Variants in PTPRN2 observed in about 807,000 individuals in gnomAD.
PTPRN2 encodes receptor-type tyrosine-protein phosphatase N2.
Under a neutral mutation model 118.8 loss-of-function variants are expected in PTPRN2, and 74 were observed. That is an observed-to-expected ratio of 0.62 (90% CI 0.52 to 0.76). PTPRN2 has a LOEUF of 0.76. Ranked by LOEUF, PTPRN2 falls within the 30% of genes least tolerant of loss-of-function variation. The pLI, the probability that PTPRN2 is intolerant of heterozygous loss-of-function variation, is 0.00. For missense variants in PTPRN2, 1,481 were observed against 1,394.4 expected, an observed-to-expected ratio of 1.06 and a Z score of -0.99; for synonymous variants, 641 against 608.0, an observed-to-expected ratio of 1.05 and a Z score of -0.80.
In PTPRN2 at chr7:158,022,452, G is replaced by C. The variant is rs560186419; in HGVS notation, c.1723+58846C>G. Among the ~76,000 whole-genome samples, 1 of 152,296 alleles carries C rather than the reference G, an allele frequency of 6.6e-6. No individual in the cohort carries two copies. Among genetic ancestry groups the C allele is most frequent in the African/African-American group, 2.4e-5 (1 of 41,570 alleles). ...ATGATGTGTTCACAGCCAAGGCCCC[G>C]GCACCTGGGCACTCTGGGGCAGCCC... On this transcript the variant is annotated intron_variant, in intron 11 of 22. Coordinates refer to ENST00000389418, the MANE Select transcript of PTPRN2 (RefSeq NM_002847.5). This position sits in a 1 kb window ranked among gnomAD's most constrained non-coding sequence, Gnocchi z 4.6.
At chr7:158,172,466 CCAT>C (rs1326760074) in intron 5 of PTPRN2, among the ~76,000 whole-genome samples, 1 of 151,692 alleles carries the variant, frequency 6.6e-6, no homozygotes, top group Non-Finnish European at 1.5e-5. Context: ...ACCATCCCTA[CCAT>C]CATCACCCTC....
chr7:158,422,284 C>T (rs1339384587), intron 2 of PTPRN2, among the ~76,000 whole-genome samples: 3 of 152,184 alleles, frequency 2.0e-5, no homozygotes, highest in South Asian at 2.1e-4. Context: ...ACAGCATCCA[C>T]GTCTCTGCAA....
chr7:158,068,322 C>T (rs143823708), intron 11 of PTPRN2, among the ~76,000 whole-genome samples: 94 of 152,286 alleles, frequency 6.2e-4, no homozygotes, highest in African/African-American at 2.2e-3. Context: ...TCATGGCAGC[C>T]GAGGGTACGG....
intron 15 of PTPRN2, among the ~76,000 whole-genome samples, chr7:157,614,976 T>G (rs528501259): frequency 6.6e-6 from 1 of 152,338 alleles, no homozygotes; most frequent in East Asian, 1.9e-4. Context: ...GGGATTGTTG[T>G]TAATTTTCTT....
chr7:158,041,596 C>T (rs145585956), intron 11 of PTPRN2, among the ~76,000 whole-genome samples: 4 of 152,178 alleles, frequency 2.6e-5, no homozygotes, highest in Non-Finnish European at 4.4e-5. Flanking sequence ...CAAGATCTTG[C>T]CACTGCACTC....
At chr7:158,244,994 G>A (rs1415519791) in intron 3 of PTPRN2, among the ~76,000 whole-genome samples, 1 of 152,248 alleles carries the variant, frequency 6.6e-6, no homozygotes, top group African/African-American at 2.4e-5. Flanking sequence ...CCTGCTCCCT[G>A]GCTGTGTCAT....
intron 17 of PTPRN2, 50 bp from the exon 18 acceptor site, chr7:157,578,190 G>A (rs778927586): frequency 2.6e-6 from 4 of 1,557,822 alleles, no homozygotes; most frequent in Admixed American, 1.8e-5. Flanking sequence ...TCATCACCGC[G>A]TGACATGTGT....
chr7:158,192,248 C>T (rs550009910), intron 5 of PTPRN2, 79 bp downstream of exon 5: 166 of 1,344,046 alleles, frequency 1.2e-4, no homozygotes, highest in Middle Eastern at 2.7e-4. Context: ...GAGGAGCCAG[C>T]GACTAAGGAA....
At chr7:158,334,433 C>T (rs570069467) in intron 2 of PTPRN2, among the ~76,000 whole-genome samples, 11 of 68,184 alleles carry the variant, frequency 1.6e-4, no homozygotes, top group African/African-American at 2.2e-4. Context: ...GTCACTCACA[C>T]CCACACTCTC....
chr7:158,262,590 TCACACACATTCA>T (rs1797525886), intron 3 of PTPRN2, among the ~76,000 whole-genome samples: 1 of 88,350 alleles, frequency 1.1e-5, no homozygotes, highest in Admixed American at 1.1e-4. Flanking sequence ...GCACACACAT[TCACACACATTCA>T]CACACACTGC....
intron 11 of PTPRN2, among the ~76,000 whole-genome samples, chr7:157,923,705 G>C (rs1020362696): frequency 1.3e-5 from 2 of 152,094 alleles, no homozygotes; most frequent in African/African-American, 4.8e-5. Flanking sequence ...AAGAAACTCT[G>C]ATCCCAGAAA....
chr7:158,026,552 T>G (rs1045315439), intron 11 of PTPRN2, among the ~76,000 whole-genome samples: 25 of 152,218 alleles, frequency 1.6e-4, no homozygotes, highest in Admixed American at 1.4e-3. Flanking sequence ...TAATTCCTTG[T>G]GTTCATAGTT....
intron 3 of PTPRN2, among the ~76,000 whole-genome samples, chr7:158,300,202 G>A (rs116338198): frequency 2.1e-3 from 316 of 152,234 alleles, no homozygotes; most frequent in African/African-American, 7.3e-3. Flanking sequence ...AAACAAATGC[G>A]GAAATGATTG....
intron 5 of PTPRN2, among the ~76,000 whole-genome samples, chr7:158,180,829 TAGGAGTCTTTTGG>T (rs984757377): frequency 1.3e-5 from 2 of 152,236 alleles, no homozygotes; most frequent in African/African-American, 2.4e-5. Flanking sequence ...TTATGAAATC[TAGGAGTCTTTTGG>T]AGGAGTCTTT....
chr7:158,087,256 T>A (rs1813496301), intron 10 of PTPRN2, among the ~76,000 whole-genome samples: 1 of 152,232 alleles, frequency 6.6e-6, no homozygotes, highest in Admixed American at 6.5e-5. Context: ...GGAGCCTGGT[T>A]GCTTTCCTTC....
At chr7:158,318,606 G>C (rs1168397460) in intron 2 of PTPRN2, among the ~76,000 whole-genome samples, 1 of 152,222 alleles carries the variant, frequency 6.6e-6, no homozygotes, top group Non-Finnish European at 1.5e-5. Context: ...GGGAGGCTCA[G>C]AAGCCCAGGG....
intron 1 of PTPRN2, among the ~76,000 whole-genome samples, chr7:158,528,164 C>T (rs534954204): frequency 2.0e-4 from 31 of 152,350 alleles, no homozygotes; most frequent in Middle Eastern, 3.4e-3. Flanking sequence ...CCAAGTAACA[C>T]ATCATGTTTC....
chr7:158,429,116 GA>G (rs1815975181), intron 2 of PTPRN2, among the ~76,000 whole-genome samples: 1 of 152,210 alleles, frequency 6.6e-6, no homozygotes, highest in Non-Finnish European at 1.5e-5. Context: ...TCTGTACTAA[GA>G]ACATGCTTCC....
At chr7:157,994,514 C>T (rs1288858005) in intron 11 of PTPRN2, among the ~76,000 whole-genome samples, 3 of 149,948 alleles carry the variant, frequency 2.0e-5, no homozygotes, top group Non-Finnish European at 3.0e-5. Context: ...CTAAAATCAG[C>T]ACCGCATCCC....
Sources: gnomAD v4.1 joint callset for allele counts (sites outside exome capture counted in the v4.1 genomes callset) on GRCh38, gnomAD v4.1.1 for gene constraint, Gnocchi (gnomAD v3.1) non-coding constraint, MANE v1.5 for transcripts, NCBI Gene and HGNC (gene_info 2026-07-23, HGNC 2026-07-21) for gene names.